The following SEPTIN6 variants were observed in gnomAD, a reference collection of about 807,000 sequenced individuals.
SEPTIN6 encodes septin 6.
SEPTIN6 carries 8 observed loss-of-function variants against 33.6 expected under a neutral mutation model. The ratio of observed to expected loss-of-function variants is 0.24; its 90% CI spans 0.14 to 0.43. The LOEUF is 0.43. Among genes scored for constraint, SEPTIN6 ranks in the 20% least tolerant of loss-of-function variants. SEPTIN6 has a pLI of 1.00. For synonymous variants in SEPTIN6, 131 were observed against 140.0 expected (o/e 0.94, Z 0.45); for missense variants, 250 against 340.8 (o/e 0.73, Z 2.10).
chrX:119,670,924 G>A (rs2147610026), intron 2 of SEPTIN6, among the ~76,000 whole-genome samples: 1 of 98,793 alleles, frequency 1.0e-5, no homozygotes, highest in East Asian at 3.4e-4. Context: ...GGTGACAAGA[G>A]CGAAACTCCA....
intron 7 of SEPTIN6, chrX:119,634,987 C>G (rs1226000651): frequency 6.1e-5 from 11 of 178,922 alleles, no homozygotes; most frequent in Non-Finnish European, 1.0e-4. Context: ...CCAGCCTGGG[C>G]GATAGAGCAA....
rs567544320 is a variant in SEPTIN6 at position 119,644,907 on chromosome X, A to ATTTT, written c.691-4123_691-4120dup. On this transcript the variant is annotated intron_variant, in intron 5 of 10. Transcript: ENST00000394610. ...GGAGAAGCCCTCATGGCCCAATCAC[A>ATTTT]TTTTTTTTTTTTTTTTAAGATGAGA... Among the ~76,000 whole-genome samples, 3 of 96,116 alleles carry ATTTT rather than the reference A, an allele frequency of 3.1e-5. No homozygotes were observed. The South Asian group carries it at 1.4e-3, about 46-fold the overall frequency. 83.5% of individuals were successfully genotyped at this position (96,116 alleles called of 115,157 possible).
intron 8 of SEPTIN6, among the ~76,000 whole-genome samples, chrX:119,630,142 C>T (rs1301783590): frequency 1.8e-5 from 2 of 111,609 alleles, no homozygotes; most frequent in African/African-American, 3.3e-5. Flanking sequence ...AAGAAATTAC[C>T]GAGTAATTAC....
At chrX:119,671,409 T>C (rs2054745440) in intron 2 of SEPTIN6, among the ~76,000 whole-genome samples, 1 of 107,748 alleles carries the variant, frequency 9.3e-6, no homozygotes, top group African/African-American at 3.4e-5. Flanking sequence ...TGCCTCAGCC[T>C]CCTGAGTAGC....
chrX:119,660,516 G>A (rs1339958359), intron 3 of SEPTIN6, among the ~76,000 whole-genome samples: 3 of 111,767 alleles, frequency 2.7e-5, no homozygotes, highest in Non-Finnish European at 3.8e-5. Flanking sequence ...CCTCTGAGGC[G>A]CAGTATCTGT....
At chrX:119,658,075 C>A (rs747095084) in intron 3 of SEPTIN6, among the ~76,000 whole-genome samples, 28 of 111,775 alleles carry the variant, frequency 2.5e-4, no homozygotes, top group Non-Finnish European at 4.9e-4. Context: ...TGCAGTAAGC[C>A]GAGATAGCGC....
intron 3 of SEPTIN6, among the ~76,000 whole-genome samples, chrX:119,657,430 C>A (rs1279250212): frequency 9.0e-6 from 1 of 110,882 alleles, no homozygotes; most frequent in Non-Finnish European, 1.9e-5. Context: ...CATCATCTCT[C>A]CCATCCTCAA....
At chrX:119,635,112 C>T (rs1022931331) in intron 7 of SEPTIN6, 2 of 350,628 alleles carry the variant, frequency 5.7e-6, no homozygotes, top group Admixed American at 5.6e-5. Context: ...AGCAGAACTC[C>T]CAGGACTTGG....
chrX:119,686,544 T>C (rs1440975723), intron 1 of SEPTIN6: 3 of 901,410 alleles, frequency 3.3e-6, no homozygotes, highest in Non-Finnish European at 4.3e-6. Flanking sequence ...AAGAAGAGGA[T>C]AACATTATTT....
intron 9 of SEPTIN6, among the ~76,000 whole-genome samples, chrX:119,628,114 CTCTT>C (rs1355609827): frequency 2.8e-5 from 3 of 107,605 alleles, no homozygotes; most frequent in Non-Finnish European, 5.8e-5. Flanking sequence ...TTTTGTTCCT[CTCTT>C]TCTTTTCTAT....
chrX:119,637,753 A>G (rs921669252), intron 6 of SEPTIN6, among the ~76,000 whole-genome samples: 2 of 112,566 alleles, frequency 1.8e-5, no homozygotes, highest in African/African-American at 6.5e-5. Context: ...CTGGGAATTC[A>G]GAAACGAAGT....
chrX:119,671,349 G>A lies in SEPTIN6; in HGVS notation c.145+4205C>T, dbSNP rs2054744166. ...GTCACCCAGGCTGGAGTGCAGTGGCGTGACCTCCGCTCACTGTAAGCTCCG... is the reference window on the plus strand; with the variant it reads ...GTCACCCAGGCTGGAGTGCAGTGGCATGACCTCCGCTCACTGTAAGCTCCG... On this transcript the variant is annotated intron_variant, in intron 2 of 10. Coordinates refer to ENST00000394610, the MANE Select transcript of SEPTIN6 (RefSeq NM_145799.4). Among the ~76,000 whole-genome samples the A allele has an allele frequency of 2.8e-5, 3 of 106,666 alleles. No homozygotes were observed. The South Asian group carries it at 1.3e-3, about 46-fold the overall frequency. The allele number at this position is 106,666 out of a possible 115,157, so 92.6% of individuals were successfully genotyped here.
chrX:119,620,092 T>C (rs771587992), intron 10 of SEPTIN6, 41 bp from the exon 11 acceptor site: 1 of 991,229 alleles, frequency 1.0e-6, no homozygotes, highest in Non-Finnish European at 1.3e-6. Context: ...AATGGATAGA[T>C]TAATGTACCA....
At chrX:119,668,679 G>A (rs2054690762) in intron 2 of SEPTIN6, among the ~76,000 whole-genome samples, 1 of 110,852 alleles carries the variant, frequency 9.0e-6, no homozygotes, top group Non-Finnish European at 1.9e-5. Flanking sequence ...GGGGCCGGGC[G>A]CAGTGGCTCA....
chrX:119,620,463 A>T (rs1183930493), intron 10 of SEPTIN6, among the ~76,000 whole-genome samples: 1 of 104,442 alleles, frequency 9.6e-6, no homozygotes, highest in Non-Finnish European at 2.0e-5. Context: ...GGACTACAGG[A>T]GCCCGCCGCC....
intron 1 of SEPTIN6, among the ~76,000 whole-genome samples, chrX:119,678,869 G>C (rs2054894622): frequency 9.0e-6 from 1 of 111,625 alleles, no homozygotes; most frequent in Non-Finnish European, 1.9e-5. Flanking sequence ...GTGCTCCAAA[G>C]TCAAAAGGAG....
chrX:119,663,469 C>A lies in SEPTIN6; in HGVS notation c.341+13G>T, dbSNP rs199549338. 26 of 1,104,098 alleles carry A rather than the reference C, an allele frequency of 2.4e-5. No individual in the cohort carries two copies. The African/African-American group carries it at 3.5e-4, about 15-fold the overall frequency. 91.0% of individuals were successfully genotyped at this position (1,104,098 alleles called of 1,213,427 possible). ...AACCTCCCCACCCTACCCCACCCCACCGCCTTCTTTACCTGTCCTCTTTGT... is the reference window on the plus strand; with the variant it reads ...AACCTCCCCACCCTACCCCACCCCAACGCCTTCTTTACCTGTCCTCTTTGT... On this transcript the variant is annotated intron_variant, in intron 3 of 10. Coordinates refer to ENST00000394610, the MANE Select transcript of SEPTIN6 (RefSeq NM_145799.4).
At chrX:119,644,161 T>C (rs2054203015) in intron 5 of SEPTIN6, among the ~76,000 whole-genome samples, 1 of 111,404 alleles carries the variant, frequency 9.0e-6, no homozygotes, top group Admixed American at 9.5e-5. Context: ...CTCTGATAGA[T>C]GCAGGGCAGT....
chrX:119,677,992 G>A (rs1194217639), intron 1 of SEPTIN6, among the ~76,000 whole-genome samples: 1 of 112,707 alleles, frequency 8.9e-6, no homozygotes, highest in Non-Finnish European at 1.9e-5. Context: ...CAGCACTTGG[G>A]GAGGCCGAAG....
Sources: gnomAD v4.1 joint callset for allele counts (sites outside exome capture counted in the v4.1 genomes callset) on GRCh38, gnomAD v4.1.1 for gene constraint, MANE v1.5 for transcripts, NCBI Gene and HGNC (gene_info 2026-07-23, HGNC 2026-07-21) for gene names.